The following GFRA1 variants were observed in gnomAD, a reference collection of about 807,000 sequenced individuals.
GFRA1 encodes GDNF family receptor alpha 1, also known as GDNF family receptor alpha-1.
In GFRA1, 16 loss-of-function variants were observed where a neutral mutation model predicts 51.6. The observed-to-expected ratio is 0.31, with a 90% CI of 0.21 to 0.47. GFRA1 has a LOEUF of 0.47. Ranked by LOEUF, GFRA1 falls within the 20% of genes least tolerant of loss-of-function variation. GFRA1 has a pLI of 1.00. For missense variants in GFRA1, 530 were observed against 594.3 expected (o/e 0.89, Z 1.13); for synonymous variants, 270 against 241.3 (o/e 1.12, Z -1.10).
At chr10:116,223,517 T>G (rs1183859919) in intron 4 of GFRA1, among the ~76,000 whole-genome samples, 1 of 152,156 alleles carries the variant, frequency 6.6e-6, no homozygotes, top group African/African-American at 2.4e-5. Context: ...CATCGTCCCA[T>G]GTCATGGCTG....
intron 4 of GFRA1, among the ~76,000 whole-genome samples, chr10:116,241,042 A>G (rs377616869): frequency 2.0e-5 from 3 of 152,202 alleles, no homozygotes; most frequent in Admixed American, 6.5e-5. Context: ...ACTAAAGTGC[A>G]TAATAGATGA....
intron 4 of GFRA1, among the ~76,000 whole-genome samples, chr10:116,248,425 C>T (rs1020787085): frequency 2.0e-5 from 3 of 152,196 alleles, no homozygotes; most frequent in Non-Finnish European, 4.4e-5. Flanking sequence ...GGAGAAGCAG[C>T]TGATCTCCAG....
chr10:116,274,581 C>A (rs1468134376), upstream of GFRA1, among the ~76,000 whole-genome samples: 3 of 152,130 alleles, frequency 2.0e-5, no homozygotes, highest in East Asian at 1.9e-4. Context: ...TGCTTGCAGG[C>A]GGGCTGCATA....
At chr10:116,084,115 C>T (rs915638682) in intron 9 of GFRA1, among the ~76,000 whole-genome samples, 5 of 152,286 alleles carry the variant, frequency 3.3e-5, no homozygotes, top group Admixed American at 2.0e-4. Flanking sequence ...GAGGGGCCCA[C>T]GGTGTCTCTA....
rs1954676110 is a variant in GFRA1 at position 116,058,931 on chromosome 10, TCTACCCC to T, written c.*5460_*5466del. 6.6e-6 allele frequency: 1 copy of T among 152,188 alleles called. No homozygotes were observed. Among genetic ancestry groups the T allele is most frequent in the Non-Finnish European group, 1.5e-5 (1 of 68,054 alleles). The allele number at this position is 152,188 out of a possible 1,614,324, so 9.4% of individuals were successfully genotyped here. A position where few individuals can be genotyped will look rare whatever the true frequency, so the allele number is the denominator to read the frequency against. ...ACTAACTGGCGAATTTCCCACAAAG[TCTACCCC>T]CGTTTTGGGCTCTGTCCTTCCTGGC... On this transcript the variant is annotated 3_prime_UTR_variant, in exon 11 of 11. Coordinates refer to ENST00000355422, the MANE Select transcript of GFRA1 (RefSeq NM_005264.8).
intron 4 of GFRA1, among the ~76,000 whole-genome samples, chr10:116,250,030 G>C (rs1428645759): frequency 6.6e-6 from 1 of 152,192 alleles, no homozygotes; most frequent in Non-Finnish European, 1.5e-5. Context: ...TAAGATCATA[G>C]AGGACATTCC....
intron 4 of GFRA1, among the ~76,000 whole-genome samples, chr10:116,240,792 T>A (rs1374612672): frequency 6.6e-6 from 1 of 152,064 alleles, no homozygotes; most frequent in African/African-American, 2.4e-5. Flanking sequence ...TCGACAAACA[T>A]CTGCAGACTG....
At chr10:116,170,754 C>A (rs779153444) in intron 5 of GFRA1, among the ~76,000 whole-genome samples, 60 of 152,124 alleles carry the variant, frequency 3.9e-4, no homozygotes, top group Non-Finnish European at 6.8e-4. Flanking sequence ...TAAATGTAAA[C>A]CTATTGGTTC....
At chr10:116,122,798 T>G (rs1490989321) in intron 6 of GFRA1, among the ~76,000 whole-genome samples, 2 of 152,196 alleles carry the variant, frequency 1.3e-5, no homozygotes, top group East Asian at 3.9e-4. Context: ...GTTCAATAGA[T>G]GGAAGACTCA....
chr10:116,091,036 C>A (rs1217668061), intron 8 of GFRA1, among the ~76,000 whole-genome samples: 2 of 152,154 alleles, frequency 1.3e-5, no homozygotes, highest in African/African-American at 2.4e-5. Flanking sequence ...GAGTGTGAGG[C>A]AGAGAAAGAG....
At chr10:116,099,154 A>G (rs1488558606) in intron 6 of GFRA1, among the ~76,000 whole-genome samples, 1 of 152,232 alleles carries the variant, frequency 6.6e-6, no homozygotes, top group African/African-American at 2.4e-5. Context: ...AGAAGTTTAT[A>G]CAGCGCTATG....
At chr10:116,213,693 G>A (rs1472446247) in intron 4 of GFRA1, among the ~76,000 whole-genome samples, 2 of 152,142 alleles carry the variant, frequency 1.3e-5, no homozygotes, top group African/African-American at 2.4e-5. Context: ...TCCATCAGTG[G>A]TGTGGCTGAG....
intron 4 of GFRA1, among the ~76,000 whole-genome samples, chr10:116,241,013 T>G (rs562947381): frequency 4.6e-5 from 7 of 152,166 alleles, no homozygotes; most frequent in Non-Finnish European, 1.0e-4. Context: ...GCTCCAGACC[T>G]TAAGCTCTCA....
intron 4 of GFRA1, among the ~76,000 whole-genome samples, chr10:116,235,013 T>C (rs1418598782): frequency 1.3e-5 from 2 of 152,196 alleles, no homozygotes; most frequent in South Asian, 2.1e-4. Context: ...TCTGTCATGA[T>C]TGTAAGTTTC....
At chr10:116,264,232 C>T (rs1346873624) in intron 4 of GFRA1, among the ~76,000 whole-genome samples, 1 of 152,188 alleles carries the variant, frequency 6.6e-6, no homozygotes, top group Non-Finnish European at 1.5e-5. Context: ...GCTCCCCCTA[C>T]ACCAGTGCCA....
chr10:116,069,755 A>T (rs1349628097), intron 9 of GFRA1, among the ~76,000 whole-genome samples: 2 of 152,188 alleles, frequency 1.3e-5, no homozygotes, highest in African/African-American at 2.4e-5. Flanking sequence ...TGGTGCCAGC[A>T]GCTTTCCTGT....
rs78449425 is a variant in GFRA1, at chr10:116,083,335, T to C, written c.1197+6406A>G. ...CTCGCTTCTATCTTCCCAGGCCTCCTCTCCTCCCAGTCTATCATCCTGTGC... is the reference window on the plus strand; with the variant it reads ...CTCGCTTCTATCTTCCCAGGCCTCCCCTCCTCCCAGTCTATCATCCTGTGC... On this transcript the variant is annotated intron_variant, in intron 9 of 10. Transcript: ENST00000355422. 1.9e-3 allele frequency among the ~76,000 whole-genome samples: 291 copies of C among 152,236 alleles called. 1 individual carries two copies. The highest frequency in any genetic ancestry group is 6.6e-3 in the African/African-American group (276 of 41,554).
At chr10:116,243,046 G>A (rs574907756) in intron 4 of GFRA1, among the ~76,000 whole-genome samples, 11 of 152,004 alleles carry the variant, frequency 7.2e-5, no homozygotes, top group African/African-American at 2.2e-4. Context: ...TACTTTATCC[G>A]CACCAAGGAA....
intron 6 of GFRA1, among the ~76,000 whole-genome samples, chr10:116,101,120 G>A (rs1437865167): frequency 1.3e-5 from 2 of 152,190 alleles, no homozygotes; most frequent in Non-Finnish European, 2.9e-5. Context: ...TGTATGCACA[G>A]CTCCAGTGCC....
Sources: allele counts gnomAD v4.1 joint callset (sites outside exome capture counted in the v4.1 genomes callset), GRCh38; gene constraint gnomAD v4.1.1; transcripts MANE v1.5; gene names NCBI Gene and HGNC (gene_info 2026-07-23, HGNC 2026-07-21).